ZNF208: variants seen among roughly 807,000 people sequenced by gnomAD.
ZNF208 encodes zinc finger protein 208.
In ZNF208, 10 loss-of-function variants were observed where a neutral mutation model predicts 12.1. The observed-to-expected ratio is 0.83, with a 90% confidence interval of 0.51 to 1.40. The LOEUF (loss-of-function observed/expected upper bound fraction) is 1.40, where lower values mean the gene tolerates loss of function less well. Among genes scored for constraint, ZNF208 ranks in the 40% most tolerant of loss-of-function variants. The pLI is 0.00. For missense variants in ZNF208, 1,652 were observed against 1,485.0 expected (o/e 1.11, Z -1.85); for synonymous variants, 497 against 488.4 (o/e 1.02, Z -0.23).
chr19:21,972,176 G>T lies in ZNF208; in HGVS notation c.2858C>A (p.Ala953Asp), dbSNP rs2145546187. The change falls in exon 4 of 4, where the codon GCC becomes GAC. Residue 953 changes from alanine (A) to aspartate (D), a missense_variant. Ala to Asp is a moderately radical substitution (Grantham distance 126). Transcript: ENST00000397126. ...KFYKCEACGK[A>D]YKSSSTLSYH... ...ACTAAGGGTTGAGGATGACTTATAG[G>T]CTTTGCCACATGCTTCACATTTGTA... 2.5e-6 allele frequency: 4 copies of T among 1,607,576 alleles called. No homozygotes were observed. The highest frequency in any genetic ancestry group is 3.4e-6 in the Non-Finnish European group (4 of 1,176,238).
At chr19:21,976,473 G>A (rs1970432245) in intron 3 of ZNF208, among the ~76,000 whole-genome samples, 1 of 152,090 alleles carries the variant, frequency 6.6e-6, no homozygotes. Context: ...AAATAGAATA[G>A]GTAATAAAAG....
downstream of ZNF208, chr19:21,966,067 C>T (rs538403271): frequency 2.0e-5 from 3 of 151,754 alleles, no homozygotes; most frequent in South Asian, 6.2e-4. Flanking sequence ...CAACTATTAA[C>T]CCAGCACTGG....
At chr19:21,952,631 CAA>C (rs1969908205) in intron 4 of ZNF208, among the ~76,000 whole-genome samples, 1 of 152,160 alleles carries the variant, frequency 6.6e-6, no homozygotes, top group South Asian at 2.1e-4. Flanking sequence ...GCAACATCAG[CAA>C]AAAGGATATA....
intron 4 of ZNF208, among the ~76,000 whole-genome samples, chr19:21,957,571 C>G (rs1201015624): frequency 6.6e-6 from 1 of 152,146 alleles, no homozygotes; most frequent in Non-Finnish European, 1.5e-5. Context: ...AAACACTATG[C>G]TCTTGGAACC....
chr19:21,994,941 C>G (rs1970803403), intron 1 of ZNF208, among the ~76,000 whole-genome samples: 2 of 144,750 alleles, frequency 1.4e-5, no homozygotes, highest in African/African-American at 4.9e-5. Context: ...GACTGCTTAT[C>G]TGTTTTTCTT....
Position 21,972,212 on chromosome 19 carries a change from C to T in ZNF208, c.2822G>A (p.Gly941Glu). ...TGCTTCACATTTGTAGAATTTCTCT[C>T]CAGCATGAGTTTTCTTATGTTTACT... ...VFSKHKKTHA[G>E]EKFYKCEACG... The change falls in exon 4 of 4, where the codon GGA becomes GAA. Residue 941 changes from glycine to glutamate, a missense_variant. Gly to Glu is a moderately conservative substitution (Grantham distance 98, BLOSUM62 -2). Around this residue, in one of 3 missense-constraint regions of ZNF208, gnomAD observed 1,239 missense variants for 1,086.2 expected, o/e 1.14. Coordinates refer to ENST00000397126, the MANE Select transcript of ZNF208 (RefSeq NM_007153.3). The T allele has an allele frequency of 6.2e-7, 1 of 1,613,212 alleles. No homozygotes were observed. Among genetic ancestry groups the T allele is most frequent in the East Asian group, 2.2e-5 (1 of 44,780 alleles).
At chr19:21,957,147 C>T (rs1969989883) in intron 4 of ZNF208, among the ~76,000 whole-genome samples, 1 of 152,178 alleles carries the variant, frequency 6.6e-6, no homozygotes, top group African/African-American at 2.4e-5. Context: ...TCAAGTGATT[C>T]TCCTGCCTCA....
chr19:21,943,492 C>T (rs933963488), intron 4 of ZNF208, among the ~76,000 whole-genome samples: 9 of 152,168 alleles, frequency 5.9e-5, no homozygotes, highest in African/African-American at 2.2e-4. Flanking sequence ...TTTGAATTAA[C>T]ATGTCCACAT....
downstream of ZNF208, among the ~76,000 whole-genome samples, chr19:21,963,702 T>A (rs1276481386): frequency 6.6e-6 from 1 of 152,080 alleles, no homozygotes; most frequent in Non-Finnish European, 1.5e-5. Context: ...TTTAGTTTTA[T>A]ACACTTATTT....
intron 1 of ZNF208, among the ~76,000 whole-genome samples, chr19:22,007,819 C>T (rs1971073146): frequency 6.6e-6 from 1 of 151,314 alleles, no homozygotes; most frequent in South Asian, 2.1e-4. Flanking sequence ...GCACGGTAAA[C>T]ATGGCAAACC....
chr19:21,953,280 G>A (rs10407771), intron 4 of ZNF208, among the ~76,000 whole-genome samples: 185 of 152,180 alleles, frequency 1.2e-3, no homozygotes, highest in African/African-American at 4.2e-3. Context: ...ACCTAGCAAG[G>A]CAGGCCAACA....
At chr19:21,975,715 A>G (rs1475836656) in intron 3 of ZNF208, among the ~76,000 whole-genome samples, 1 of 151,908 alleles carries the variant, frequency 6.6e-6, no homozygotes, top group African/African-American at 2.4e-5. Flanking sequence ...ATAGGAACAC[A>G]AAAGTGTATA....
intron 4 of ZNF208, among the ~76,000 whole-genome samples, chr19:21,952,947 G>C (rs1482114870): frequency 1.3e-5 from 2 of 152,166 alleles, no homozygotes; most frequent in African/African-American, 2.4e-5. Flanking sequence ...TGGCTAACTA[G>C]AATAAACAGT....
chr19:21,996,262 G>T (rs1236219084), intron 1 of ZNF208, among the ~76,000 whole-genome samples: 1 of 151,898 alleles, frequency 6.6e-6, no homozygotes, highest in African/African-American at 2.4e-5. Context: ...AAGTGGATTT[G>T]TGAAGGCAAA....
chr19:21,973,142 T>A lies in ZNF208; in HGVS notation c.1892A>T (p.His631Leu). ...VSTLTTHKAI[H>L]AGEKPYKCKE... ...ACATTTGTAGGGCTTCTCTCCAGCA[T>A]GAATTGCCTTATGTGTAGTAAGGGT... Residue 631 changes from histidine (H) to leucine (L), a missense_variant, in exon 4 of 4, where the codon CAT (histidine) becomes CTT (leucine). By Grantham distance (99) the His-to-Leu change is moderately conservative (BLOSUM62 -3). Transcript: ENST00000397126. 6.2e-7 allele frequency: 1 copy of A among 1,613,582 alleles called. No homozygotes were observed. Among genetic ancestry groups the A allele is most frequent in the Non-Finnish European group, 8.5e-7 (1 of 1,179,742 alleles).
chr19:21,994,939 ATC>A (rs1409083175), intron 1 of ZNF208, among the ~76,000 whole-genome samples: 1 of 147,354 alleles, frequency 6.8e-6, no homozygotes, highest in Non-Finnish European at 1.5e-5. Context: ...ATGACTGCTT[ATC>A]TGTTTTTCTT....
At chr19:21,952,344 C>G (rs1350785867) in intron 4 of ZNF208, among the ~76,000 whole-genome samples, 3 of 152,224 alleles carry the variant, frequency 2.0e-5, no homozygotes, top group African/African-American at 7.2e-5. Flanking sequence ...CAGACTACCT[C>G]CTCAAGTCAA....
At position 21,974,129 on chromosome 19, in the gene ZNF208, G is replaced by A; in HGVS notation, c.905C>T (p.Thr302Ile). The stretch of plus-strand genomic sequence containing the variant: ...CTCTCCAGCATGAATTGCCTTATGT[G>A]TAGTAAGAGTCGAGACCTTACTAAA... ...KAFSKVSTLTTHKAIHAGEKP... is the reference protein window; with the variant it reads ...KAFSKVSTLTIHKAIHAGEKP... The change falls in exon 4 of 4, where the codon ACA (threonine) becomes ATA (isoleucine). Residue 302 changes from threonine (T) to isoleucine (I), a missense_variant. This residue lies in a region of ZNF208 where 410 missense variants were observed against 378.2 expected (regional missense o/e 1.08). Coordinates refer to ENST00000397126, the MANE Select transcript of ZNF208 (RefSeq NM_007153.3). 6.3e-7 allele frequency: 1 copy of A among 1,593,844 alleles called. No homozygotes were observed. The highest frequency in any genetic ancestry group is 1.1e-5 in the South Asian group (1 of 89,566).
rs1177835603 is a variant in ZNF208, at chr19:21,954,714, G to A, written c.305+20015C>T. ...AGATTTTCCTCCATCCCTTTATTTT[G>A]AGCCTATGTGTGTCTCTGCAGGTGA... On this transcript the variant is annotated intron_variant, in intron 4 of 4. Transcript: ENST00000599916. 5.9e-5 allele frequency among the ~76,000 whole-genome samples: 9 copies of A among 152,014 alleles called. No individual in the cohort carries two copies. The East Asian group carries it at 1.7e-3, about 29-fold the overall frequency.
Sources: allele counts gnomAD v4.1 joint callset (sites outside exome capture counted in the v4.1 genomes callset), GRCh38; gene constraint gnomAD v4.1.1; regional missense constraint gnomAD v4.1.1; transcripts MANE v1.5; gene names NCBI Gene and HGNC (gene_info 2026-07-23, HGNC 2026-07-21).